The following AGPAT3 variants were observed in gnomAD, a reference collection of about 807,000 sequenced individuals.
AGPAT3 encodes 1-acylglycerol-3-phosphate O-acyltransferase 3.
Under a neutral mutation model 47.3 loss-of-function variants are expected in AGPAT3, and 5 were observed. The observed-to-expected ratio is 0.11, with a 90% CI of 0.06 to 0.22. The LOEUF is 0.22. Among genes scored for constraint, AGPAT3 ranks in the 10% least tolerant of loss-of-function variants. The pLI, the probability that AGPAT3 is intolerant of heterozygous loss-of-function variation, is 1.00. For synonymous variants in AGPAT3, 212 were observed against 208.3 expected (o/e 1.02, Z -0.15); for missense variants, 315 against 493.0 (o/e 0.64, Z 3.42).
rs936293373 is a variant in AGPAT3, at chr21:43,955,112, C to G, written c.-48-4522C>G. 4 of 1,272,964 alleles carry G rather than the reference C, an allele frequency of 3.1e-6. No homozygotes were observed. The Admixed American group carries it at 7.1e-5, about 23-fold the overall frequency. 78.9% of individuals were successfully genotyped at this position (1,272,964 alleles called of 1,614,324 possible). A position where few individuals can be genotyped will look rare whatever the true frequency, so the allele number is the denominator to read the frequency against. On this transcript the variant is annotated intron_variant, in intron 2 of 9. Coordinates refer to ENST00000291572, the MANE Select transcript of AGPAT3 (RefSeq NM_020132.5). This position sits in a 1 kb window ranked among gnomAD's most constrained non-coding sequence, Gnocchi z 4.1. ...CAGGGAGCGTATCACCGTGGCACGT[C>G]CATGCCGTGGGGGTCACTCAGCAGC... is the stretch of plus-strand genomic sequence containing the variant.
intron 1 of AGPAT3, among the ~76,000 whole-genome samples, chr21:43,874,003 T>C (rs2085679922): frequency 6.6e-6 from 1 of 152,222 alleles, no homozygotes; most frequent in Non-Finnish European, 1.5e-5. Flanking sequence ...TCTCTAAGCT[T>C]AGTTTCTTAA....
At chr21:43,889,919 T>C (rs2086064894) in intron 1 of AGPAT3, among the ~76,000 whole-genome samples, 1 of 152,220 alleles carries the variant, frequency 6.6e-6, no homozygotes, top group Non-Finnish European at 1.5e-5. Flanking sequence ...GCCATTGCAA[T>C]TTCCTACAAT....
chr21:43,896,209 A>C (rs886151533), intron 1 of AGPAT3, among the ~76,000 whole-genome samples: 4 of 152,216 alleles, frequency 2.6e-5, no homozygotes, highest in African/African-American at 9.6e-5. Context: ...TGGCCGTGAT[A>C]ACTGTTTTTA....
rs772329607 is a variant in AGPAT3 at position 43,970,822 on chromosome 21, C to T, written c.664+16C>T. 88 of 1,523,100 alleles carry T rather than the reference C, an allele frequency of 5.8e-5. No homozygotes were observed. The highest frequency in any genetic ancestry group is 7.5e-5 in the Non-Finnish European group (85 of 1,131,282). The allele number at this position is 1,523,100 out of a possible 1,614,324, so 94.3% of individuals were successfully genotyped here. On this transcript the variant is annotated intron_variant, in intron 6 of 9. Transcript: ENST00000291572. The surrounding 1 kb of genome is among the most constrained non-coding windows in gnomAD (Gnocchi z 5.8). ...CGGGGGACAGGTAGGCCCCAGACTG[C>T]CCGAGCCGGGGCCACCGCTATGCTC...
chr21:43,883,416 A>G lies in AGPAT3; in HGVS notation c.-112+18071A>G, dbSNP rs1198819603. Among the ~76,000 whole-genome samples the G allele has an allele frequency of 2.6e-5, 4 of 152,334 alleles. No homozygotes were observed. The South Asian group carries it at 6.2e-4, about 24-fold the overall frequency. ...CAGTTTACAAGTAGGAGCCCCTTGC[A>G]TAAATAAGATGGGGAAAATCCCTGC... On this transcript the variant is annotated intron_variant, in intron 1 of 9. Transcript: ENST00000291572.
chr21:43,971,909 C>T (rs2089411752), intron 7 of AGPAT3, among the ~76,000 whole-genome samples: 1 of 152,196 alleles, frequency 6.6e-6, no homozygotes, highest in Non-Finnish European at 1.5e-5. Flanking sequence ...CTCCATAAGT[C>T]TCCTGGGGCC....
At chr21:43,980,881 G>A (rs549607202) in intron 8 of AGPAT3, 108 bp from the exon 9 acceptor site, 44 of 1,097,520 alleles carry the variant, frequency 4.0e-5, no homozygotes, top group African/African-American at 3.0e-4. Context: ...TTGACGTGGC[G>A]CTTTTTTTAG....
At chr21:43,909,513 G>A (rs1361564537) in intron 2 of AGPAT3, among the ~76,000 whole-genome samples, 2 of 152,138 alleles carry the variant, frequency 1.3e-5, no homozygotes, top group Non-Finnish European at 2.9e-5. Flanking sequence ...AGCCAGGATG[G>A]TCTCGATCTC....
intron 1 of AGPAT3, among the ~76,000 whole-genome samples, chr21:43,884,404 C>T (rs979132741): frequency 6.6e-6 from 1 of 152,168 alleles, no homozygotes; most frequent in Non-Finnish European, 1.5e-5. Flanking sequence ...CCTCTTCGAC[C>T]TCGTCCCTGT....
rs116116015 is a variant in AGPAT3 at position 43,956,489 on chromosome 21, C to T, written c.-48-3145C>T. 8.4e-3 allele frequency among the ~76,000 whole-genome samples: 1,279 copies of T among 152,300 alleles called. 22 individuals carry two copies. Among genetic ancestry groups the T allele is most frequent in the African/African-American group, 0.029 (1,194 of 41,560 alleles). ...TGCGTGAGAGGTGTTCAACACAGAC[C>T]GTGGAACAAGTTAAGCCCATAAAAA... On this transcript the variant is annotated intron_variant, in intron 2 of 9. Transcript: ENST00000291572.
chr21:43,927,183 T>A (rs922830640), intron 2 of AGPAT3, among the ~76,000 whole-genome samples: 1 of 152,066 alleles, frequency 6.6e-6, no homozygotes, highest in African/African-American at 2.4e-5. Context: ...ATGTACCTCG[T>A]CTTGGTTTAA....
Position 43,985,772 on chromosome 21 carries a change from C to T in AGPAT3, c.*3380C>T, listed in dbSNP as rs2030224691. 1 of 160,560 alleles carries T rather than the reference C, an allele frequency of 6.2e-6. No individual in the cohort carries two copies. Among genetic ancestry groups the T allele is most frequent in the African/African-American group, 2.4e-5 (1 of 41,522 alleles). The allele number at this position is 160,560 out of a possible 1,614,324, so 9.9% of individuals were successfully genotyped here. A position where few individuals can be genotyped will look rare whatever the true frequency, so the allele number is the denominator to read the frequency against. On this transcript the variant is annotated 3_prime_UTR_variant, in exon 10 of 10. Transcript: ENST00000291572. Reference sequence around the variant, plus strand: ...ACTTGTTCAGCCCCATGCGTAGACTCCCGCTGCAGGCCTCTGGCCTGTGGC... The same window carrying T: ...ACTTGTTCAGCCCCATGCGTAGACTTCCGCTGCAGGCCTCTGGCCTGTGGC...
At chr21:43,946,596 T>C (rs1231250912) in intron 2 of AGPAT3, among the ~76,000 whole-genome samples, 1 of 147,876 alleles carries the variant, frequency 6.8e-6, no homozygotes, top group Non-Finnish European at 1.5e-5. Flanking sequence ...CAAGACTCCT[T>C]CTTAAAAAAA....
Position 43,982,191 on chromosome 21 carries a change from C to G in AGPAT3, c.1043-113C>G. On this transcript the variant is annotated intron_variant, in intron 9 of 9. Transcript: ENST00000291572. The surrounding 1 kb of genome is among the most constrained non-coding windows in gnomAD (Gnocchi z 6.2). ...CACTGACAGCAGAGGCCACTGGGTG[C>G]GGGGCAGAGGGACAGGGTCTGGGGC... 6.6e-6 allele frequency: 5 copies of G among 755,952 alleles called. No individual in the cohort carries two copies. Among genetic ancestry groups the G allele is most frequent in the Non-Finnish European group, 1.1e-5 (5 of 450,240 alleles). 46.8% of individuals were successfully genotyped at this position (755,952 alleles called of 1,614,324 possible). A position where few individuals can be genotyped will look rare whatever the true frequency, so the allele number is the denominator to read the frequency against.
At chr21:43,898,884 T>TG (rs1439831408) in intron 1 of AGPAT3, among the ~76,000 whole-genome samples, 1 of 131,022 alleles carries the variant, frequency 7.6e-6, no homozygotes, top group East Asian at 2.7e-4. Flanking sequence ...GGATTATTAC[T>TG]GTTTTTTTTT....
At position 43,905,765 on chromosome 21, in the gene AGPAT3, C is replaced by T. The variant is rs541985019; in HGVS notation, c.-49+1746C>T. Among the ~76,000 whole-genome samples, 194 of 152,350 alleles carry T rather than the reference C, an allele frequency of 1.3e-3. 1 individual carries two copies. Among genetic ancestry groups the T allele is most frequent in the South Asian group, 3.5e-3 (17 of 4,832 alleles). ...GCACCCCCCAGTTCAGCTCTCACTG[C>T]ATTCCCGCTCTTCTGCCTGTCCTTT... is the stretch of plus-strand genomic sequence containing the variant. On this transcript the variant is annotated intron_variant, in intron 2 of 9. Coordinates refer to ENST00000291572, the MANE Select transcript of AGPAT3 (RefSeq NM_020132.5).
chr21:43,873,881 G>C (rs1164212777), intron 1 of AGPAT3, among the ~76,000 whole-genome samples: 1 of 151,986 alleles, frequency 6.6e-6, no homozygotes, highest in Non-Finnish European at 1.5e-5. Flanking sequence ...CTGTGTCTTT[G>C]TTTCCGTATC....
At chr21:43,929,171 A>G (rs2087156326) in intron 2 of AGPAT3, among the ~76,000 whole-genome samples, 1 of 152,006 alleles carries the variant, frequency 6.6e-6, no homozygotes, top group Non-Finnish European at 1.5e-5. Flanking sequence ...GCGGGTGGGG[A>G]GCTCTGTGTG....
Position 43,939,799 on chromosome 21 carries a change from T to C in AGPAT3, c.-48-19835T>C, listed in dbSNP as rs1254578654. ...GGAGGAAGATGTGGGCACTCTTAGG[T>C]CCCTGGTCCTAGGGGTCTGTGCTGG... On this transcript the variant is annotated intron_variant, in intron 2 of 9. Coordinates refer to ENST00000291572, the MANE Select transcript of AGPAT3 (RefSeq NM_020132.5). The surrounding 1 kb of genome is among the most constrained non-coding windows in gnomAD (Gnocchi z 4.4). Among the ~76,000 whole-genome samples, 1 of 152,172 alleles carries C rather than the reference T, an allele frequency of 6.6e-6. No individual in the cohort carries two copies. Among genetic ancestry groups the C allele is most frequent in the Non-Finnish European group, 1.5e-5 (1 of 68,034 alleles).
Sources: gnomAD v4.1 joint callset for allele counts (sites outside exome capture counted in the v4.1 genomes callset) on GRCh38, gnomAD v4.1.1 for gene constraint, Gnocchi (gnomAD v3.1) non-coding constraint, MANE v1.5 for transcripts, NCBI Gene and HGNC (gene_info 2026-07-23, HGNC 2026-07-21) for gene names.